HSF2: variants seen among roughly 807,000 people sequenced by gnomAD.
The protein encoded by HSF2 is heat shock transcription factor 2, also known as heat shock factor protein 2.
In HSF2, 21 loss-of-function variants were observed where a neutral mutation model predicts 65.0. The observed-to-expected ratio is 0.32, with a 90% confidence interval of 0.23 to 0.47. HSF2 has a LOEUF of 0.47. HSF2 is among the 20% of genes least tolerant of loss of function. The pLI is 1.00. For missense variants in HSF2, 499 were observed against 628.1 expected (o/e 0.79, Z 2.20); for synonymous variants, 225 against 219.1 (o/e 1.03, Z -0.24).
chr6:122,418,560 A>G (rs1209350228), intron 5 of HSF2, among the ~76,000 whole-genome samples: 1 of 152,202 alleles, frequency 6.6e-6, no homozygotes, highest in Non-Finnish European at 1.5e-5. Context: ...GGAAGTTTTG[A>G]CAGATAGGTC....
At chr6:122,418,444 A>G (rs560736357) in intron 5 of HSF2, among the ~76,000 whole-genome samples, 25 of 152,290 alleles carry the variant, frequency 1.6e-4, no homozygotes, top group Non-Finnish European at 3.2e-4. Context: ...ATTATGGGCC[A>G]CACTTTAAGA....
chr6:122,412,951 T>C (rs1774035927), intron 3 of HSF2, among the ~76,000 whole-genome samples, 187 bp downstream of exon 3: 1 of 151,948 alleles, frequency 6.6e-6, no homozygotes, highest in Non-Finnish European at 1.5e-5. Context: ...AAAAAAAGTT[T>C]AAGTTCCTGC....
Position 122,407,986 on chromosome 6 carries a change from A to AGT in HSF2, c.94-4382_94-4381dup, listed in dbSNP as rs1554208043. 3.1e-3 allele frequency among the ~76,000 whole-genome samples: 431 copies of AGT among 139,332 alleles called. 3 individuals are homozygous for AGT. Among genetic ancestry groups the AGT allele is most frequent in the Middle Eastern group, 7.5e-3 (2 of 266 alleles). 91.4% of individuals were successfully genotyped at this position (139,332 alleles called of 152,430 possible). ...CAGAGAGAGAGAGAGAGAGAGAGAG[A>AGT]GTGTGTTCTGGTCTCTCTTATCTTA... On this transcript the variant is annotated intron_variant, in intron 1 of 12. Transcript: ENST00000368455.
At position 122,420,368 on chromosome 6, in the gene HSF2, A is replaced by G. The variant is rs541870864; in HGVS notation, c.681+146A>G. On this transcript the variant is annotated intron_variant, in intron 7 of 12. Transcript: ENST00000368455. ...TTGTTAAATTGTGACATTTTTTATT[A>G]TTTGCTTTAGATTATTGTAAGAAAT... is the stretch of plus-strand genomic sequence containing the variant. 1.7e-5 allele frequency: 10 copies of G among 587,364 alleles called. No homozygotes were observed. The South Asian group carries it at 2.0e-4, about 12-fold the overall frequency. The allele number at this position is 587,364 out of a possible 1,614,324, so 36.4% of individuals were successfully genotyped here. A position where few individuals can be genotyped will look rare whatever the true frequency, so the allele number is the denominator to read the frequency against.
At chr6:122,418,539 C>T (rs1774170205) in intron 5 of HSF2, among the ~76,000 whole-genome samples, 1 of 152,126 alleles carries the variant, frequency 6.6e-6, no homozygotes, top group Non-Finnish European at 1.5e-5. Flanking sequence ...GATTAGCTTC[C>T]CTTGTCAGTA....
At chr6:122,401,168 C>T (rs1264695289) in intron 1 of HSF2, among the ~76,000 whole-genome samples, 1 of 152,100 alleles carries the variant, frequency 6.6e-6, no homozygotes, top group South Asian at 2.1e-4. Context: ...AGTAGGGGGG[C>T]GTGAGTGTTT....
In HSF2 at chr6:122,420,121, C is replaced by T. The variant is rs1156912924; in HGVS notation, c.594-14C>T. 1.9e-6 allele frequency: 3 copies of T among 1,596,458 alleles called. No individual in the cohort carries two copies. The highest frequency in any genetic ancestry group is 2.7e-5 in the African/African-American group (2 of 73,856). On this transcript the variant is annotated splice_polypyrimidine_tract_variant and intron_variant, in intron 6 of 12. Coordinates refer to ENST00000368455, the MANE Select transcript of HSF2 (RefSeq NM_004506.4). ...TGTTTGCTTCACTGAACTGCATATT[C>T]TTCTGGTTTTCAGGCCTCTACTTCT... is the stretch of plus-strand genomic sequence containing the variant.
chr6:122,404,661 T>C (rs1773823277), intron 1 of HSF2, among the ~76,000 whole-genome samples: 1 of 152,112 alleles, frequency 6.6e-6, no homozygotes, highest in Non-Finnish European at 1.5e-5. Flanking sequence ...GTGGGTAAGG[T>C]TTAAGGAGAA....
intron 10 of HSF2, among the ~76,000 whole-genome samples, chr6:122,426,772 G>A (rs1160245941): frequency 6.6e-6 from 1 of 152,028 alleles, no homozygotes; most frequent in East Asian, 1.9e-4. Flanking sequence ...ACCATTTGGT[G>A]TGTTCATTCT....
chr6:122,404,574 G>C (rs193134422), intron 1 of HSF2, among the ~76,000 whole-genome samples: 84 of 150,996 alleles, frequency 5.6e-4, no homozygotes, highest in African/African-American at 2.0e-3. Flanking sequence ...GGAATATTTT[G>C]AGTGTTCTAA....
At chr6:122,403,378 G>C (rs778998457) in intron 1 of HSF2, among the ~76,000 whole-genome samples, 16 of 152,136 alleles carry the variant, frequency 1.1e-4, no homozygotes, top group Non-Finnish European at 1.6e-4. Flanking sequence ...GGCCAAGATG[G>C]GCAGGTTGCT....
intron 10 of HSF2, among the ~76,000 whole-genome samples, chr6:122,427,328 G>C (rs891834965): frequency 1.3e-5 from 2 of 152,054 alleles, no homozygotes; most frequent in Non-Finnish European, 2.9e-5. Context: ...AGTTACATCT[G>C]TGAACTGGCT....
rs1357997442 is a variant in HSF2 at position 122,412,741 on chromosome 6, T to C, written c.307T>C (p.Leu103=). The change falls in exon 3 of 13, where the codon TTG becomes CTG. Residue 103 remains leucine, a synonymous_variant. Transcript: ENST00000368455. ...HPYFKQGQDD[L]LENIKRKVSS... ...TTACTTCAAACAAGGACAGGATGAC[T>C]TGTTGGAGAACATTAAAAGGAAGGT... 1.9e-6 allele frequency: 3 copies of C among 1,612,948 alleles called. No homozygotes were observed. The African/African-American group carries it at 4.0e-5, about 22-fold the overall frequency.
At chr6:122,404,756 A>C (rs1456098964) in intron 1 of HSF2, among the ~76,000 whole-genome samples, 1 of 152,056 alleles carries the variant, frequency 6.6e-6, no homozygotes, top group Non-Finnish European at 1.5e-5. Flanking sequence ...TATTGCTTGA[A>C]CCTCACAGGT....
At position 122,419,183 on chromosome 6, in the gene HSF2, G is replaced by T. The variant is rs1368323978; in HGVS notation, c.547G>T (p.Val183Phe). The T allele has an allele frequency of 4.1e-6, 6 of 1,473,814 alleles. No homozygotes were observed. Among genetic ancestry groups the T allele is most frequent in the Non-Finnish European group, 5.7e-6 (6 of 1,059,424 alleles). 91.3% of individuals were successfully genotyped at this position (1,473,814 alleles called of 1,614,324 possible). ...TTTTTTTCAGATTGTCCAGTTTATT[G>T]TTACATTGGTTCAAAATAACCAACT... ...QVIRKIVQFI[V>F]TLVQNNQLVS... The change falls in exon 6 of 13, where the codon GTT becomes TTT. Residue 183 changes from valine to phenylalanine, a missense_variant. Physicochemically the swap from Val to Phe is conservative, Grantham distance 50 (BLOSUM62 -1). This residue lies in a region of HSF2 where 150 missense variants were observed against 234.6 expected (regional missense o/e 0.64). Coordinates refer to ENST00000368455, the MANE Select transcript of HSF2 (RefSeq NM_004506.4).
chr6:122,432,318 TTTG>T lies in HSF2; in HGVS notation c.*101_*103del. ...GTACTTTTTTTGTAAATTGCTTTGTTTTGTTTAATCAGATACTGTGGAATAAAA... is the reference window on the plus strand; with the variant it reads ...GTACTTTTTTTGTAAATTGCTTTGTTTTTAATCAGATACTGTGGAATAAAA... On this transcript the variant is annotated 3_prime_UTR_variant, in exon 13 of 13. Transcript: ENST00000368455. 1 of 1,036,958 alleles carries T rather than the reference TTTG, an allele frequency of 9.6e-7. No individual in the cohort carries two copies. The highest frequency in any genetic ancestry group is 1.4e-6 in the Non-Finnish European group (1 of 707,214). 64.2% of individuals were successfully genotyped at this position (1,036,958 alleles called of 1,614,324 possible).
chr6:122,405,443 A>G lies in HSF2; in HGVS notation c.93+5613A>G, dbSNP rs45515793. On this transcript the variant is annotated intron_variant, in intron 1 of 12. Transcript: ENST00000368455. ...GTTACTGACTATATCAGGGAAATTA[A>G]AGAAAATTAAAAGAATACAAGAATA... Among the ~76,000 whole-genome samples the G allele has an allele frequency of 4.0e-4, 61 of 152,262 alleles. No homozygotes were observed. In the East Asian group the frequency reaches 0.012, roughly 29 times the overall value.
At chr6:122,431,761 C>T (rs1404562928) in intron 12 of HSF2, among the ~76,000 whole-genome samples, 164 bp from the exon 13 acceptor site, 2 of 151,776 alleles carry the variant, frequency 1.3e-5, no homozygotes, top group East Asian at 3.9e-4. Context: ...GAGCTATTGA[C>T]TTGCACATTT....
chr6:122,432,496 TA>T lies in HSF2; in HGVS notation c.*277del. 1 of 337,116 alleles carries T rather than the reference TA, an allele frequency of 3.0e-6. No individual in the cohort carries two copies. The highest frequency in any genetic ancestry group is 5.5e-6 in the Non-Finnish European group (1 of 183,366). 20.9% of individuals were successfully genotyped at this position (337,116 alleles called of 1,614,324 possible). ...TTTTCTCCAATTTTGGTAAATTGGA[TA>T]TCTTTTTTTTACAAATACGACCATT... On this transcript the variant is annotated 3_prime_UTR_variant, in exon 13 of 13. Transcript: ENST00000368455.
Sources: allele counts gnomAD v4.1 joint callset (sites outside exome capture counted in the v4.1 genomes callset), GRCh38; gene constraint gnomAD v4.1.1; regional missense constraint gnomAD v4.1.1; transcripts MANE v1.5; gene names NCBI Gene and HGNC (gene_info 2026-07-23, HGNC 2026-07-21).